RAI1: variants seen among roughly 807,000 people sequenced by gnomAD.
The protein encoded by RAI1 is retinoic acid induced 1.
A neutral mutation model predicts 123.8 loss-of-function variants in RAI1; 9 were observed. The ratio of observed to expected loss-of-function variants is 0.07; its 90% CI spans 0.04 to 0.13. The LOEUF (loss-of-function observed/expected upper bound fraction) is 0.13, where lower values mean the gene tolerates loss of function less well. Among genes scored for constraint, RAI1 ranks in the 10% least tolerant of loss-of-function variants. RAI1 has a pLI of 1.00. For synonymous variants in RAI1, 1,231 were observed against 1,127.3 expected (o/e 1.09, Z -1.84); for missense variants, 2,256 against 2,545.8 (o/e 0.89, Z 2.45).
intron 2 of RAI1, among the ~76,000 whole-genome samples, chr17:17,739,158 G>A (rs1185575473): frequency 6.6e-6 from 1 of 152,214 alleles, no homozygotes; most frequent in African/African-American, 2.4e-5. Context: ...CACTGGGGCA[G>A]CCACGTGCCC....
At chr17:17,806,480 C>T (rs1247840374) in intron 4 of RAI1, among the ~76,000 whole-genome samples, 3 of 152,188 alleles carry the variant, frequency 2.0e-5, no homozygotes, top group Non-Finnish European at 4.4e-5. Context: ...AGCCTGATGC[C>T]CAGCTTCCCC....
intron 2 of RAI1, among the ~76,000 whole-genome samples, chr17:17,764,355 A>T (rs1400733372): frequency 6.6e-6 from 1 of 152,194 alleles, no homozygotes; most frequent in African/African-American, 2.4e-5. Flanking sequence ...GAAAAAGAAC[A>T]TCACCAGCCC....
rs554802787 is a variant in RAI1, at chr17:17,685,936, C to T, written c.-149+4143C>T. Among the ~76,000 whole-genome samples the T allele has an allele frequency of 1.6e-4, 24 of 152,350 alleles. No individual in the cohort carries two copies. The highest frequency in any genetic ancestry group is 2.9e-4 in the Non-Finnish European group (20 of 68,036). ...GGATGCCCCTCACCTTCCTCCCTGC[C>T]GCCCCAGACCAAAACAGACGTCCTG... On this transcript the variant is annotated intron_variant, in intron 1 of 5. Transcript: ENST00000353383. This position sits in a 1 kb window ranked among gnomAD's most constrained non-coding sequence, Gnocchi z 4.0.
At chr17:17,723,400 T>C (rs1022495824) in intron 1 of RAI1, among the ~76,000 whole-genome samples, 3 of 140,560 alleles carry the variant, frequency 2.1e-5, no homozygotes, top group East Asian at 2.4e-4. Context: ...TACAGCCACA[T>C]TGATACACAC....
In RAI1 at chr17:17,796,672, C is replaced by T. The variant is rs771329558; in HGVS notation, c.3724C>T (p.Arg1242Trp). Residue 1242 changes from arginine to tryptophan, a missense_variant, in exon 3 of 6, where the codon CGG (arginine) becomes TGG (tryptophan). By Grantham distance (101) the Arg-to-Trp change is moderately radical. Coordinates refer to ENST00000353383, the MANE Select transcript of RAI1 (RefSeq NM_030665.4). This position sits in a 1 kb window ranked among gnomAD's most constrained non-coding sequence, Gnocchi z 5.8. ...VPTKKRNLVL[R>W]SRSSSSSNAS... ...CACCAAGAAGCGGAACCTGGTCTTG[C>T]GGAGCCGCAGCAGCAGCAGCAGCAA... 16 of 1,612,590 alleles carry T rather than the reference C, an allele frequency of 9.9e-6. No homozygotes were observed. Among genetic ancestry groups the T allele is most frequent in the African/African-American group, 5.3e-5 (4 of 74,992 alleles).
intron 2 of RAI1, among the ~76,000 whole-genome samples, chr17:17,743,390 T>A (rs1916706425): frequency 6.6e-6 from 1 of 152,194 alleles, no homozygotes; most frequent in South Asian, 2.1e-4. Flanking sequence ...TATGCTTGGT[T>A]CCACATCCTA....
At chr17:17,740,610 G>A (rs1167794924) in intron 2 of RAI1, among the ~76,000 whole-genome samples, 1 of 152,198 alleles carries the variant, frequency 6.6e-6, no homozygotes, top group African/African-American at 2.4e-5. Flanking sequence ...AGGCCACGTG[G>A]CCATCAGGTG....
At position 17,798,506 on chromosome 17, in the gene RAI1, T is replaced by C. The variant is rs2032350596; in HGVS notation, c.5558T>C (p.Val1853Ala). 2.5e-6 allele frequency: 4 copies of C among 1,600,520 alleles called. No individual in the cohort carries two copies. The highest frequency in any genetic ancestry group is 2.7e-5 in the African/African-American group (2 of 74,930). ...CTGCAGGAGGCCATGAAGGTGGCCG[T>C]GGACATGGTAAGAGGCCAGCCCAGC... ...FGLQEAMKVAVDMMCSSCQEA... is the reference protein window; with the variant it reads ...FGLQEAMKVAADMMCSSCQEA... Residue 1853 changes from valine (V) to alanine (A), a missense_variant, in exon 3 of 6, where the codon GTG (valine) becomes GCG (alanine). Transcript: ENST00000353383.
In RAI1 at chr17:17,800,438, C is replaced by G. The variant is rs1390590101; in HGVS notation, c.5565+1925C>G. 6.6e-6 allele frequency among the ~76,000 whole-genome samples: 1 copy of G among 152,190 alleles called. No homozygotes were observed. The highest frequency in any genetic ancestry group is 6.5e-5 in the Admixed American group (1 of 15,280). ...ACGTCCCACCAGGCTGAGATCAGGTCGTCTCCACATCCCCTGCAGCCAGCA... is the reference window on the plus strand; with the variant it reads ...ACGTCCCACCAGGCTGAGATCAGGTGGTCTCCACATCCCCTGCAGCCAGCA... On this transcript the variant is annotated intron_variant, in intron 3 of 5. Transcript: ENST00000353383. This position sits in a 1 kb window ranked among gnomAD's most constrained non-coding sequence, Gnocchi z 4.7.
chr17:17,729,609 G>A (rs1261511154), intron 2 of RAI1, among the ~76,000 whole-genome samples: 1 of 152,230 alleles, frequency 6.6e-6, no homozygotes, highest in Non-Finnish European at 1.5e-5. Context: ...TTTTTCCGGA[G>A]AGGACTGACA....
chr17:17,701,944 G>A (rs1015224721), intron 1 of RAI1, among the ~76,000 whole-genome samples: 1 of 152,220 alleles, frequency 6.6e-6, no homozygotes, highest in East Asian at 1.9e-4. Flanking sequence ...GACTCCAGTC[G>A]GGGAGGCAGC....
At chr17:17,791,732 A>T (rs920114026) in intron 2 of RAI1, among the ~76,000 whole-genome samples, 1 of 152,112 alleles carries the variant, frequency 6.6e-6, no homozygotes, top group East Asian at 1.9e-4. Flanking sequence ...AACCTGGGGC[A>T]TTCCTCTTTC....
At chr17:17,805,460 C>A (rs2032577597) in intron 4 of RAI1, among the ~76,000 whole-genome samples, 1 of 152,192 alleles carries the variant, frequency 6.6e-6, no homozygotes, top group African/African-American at 2.4e-5. Context: ...TCATAACCCA[C>A]CTCCCAGTGG....
chr17:17,757,431 C>T (rs150804714), intron 2 of RAI1, among the ~76,000 whole-genome samples: 2,801 of 152,278 alleles, frequency 0.018, 82 homozygotes, highest in African/African-American at 0.063. Flanking sequence ...ATTCCAGTAA[C>T]CCCAGCCTGC....
chr17:17,736,413 G>A (rs1028352150), intron 2 of RAI1, among the ~76,000 whole-genome samples: 4 of 152,206 alleles, frequency 2.6e-5, no homozygotes, highest in Non-Finnish European at 5.9e-5. Context: ...ATAAGAGCAG[G>A]CCCAGCAGAT....
At chr17:17,785,103 C>A (rs376032681) in intron 2 of RAI1, among the ~76,000 whole-genome samples, 6 of 152,182 alleles carry the variant, frequency 3.9e-5, no homozygotes, top group African/African-American at 1.2e-4. Flanking sequence ...TGTGCTGTTT[C>A]CTGTGTGTCT....
chr17:17,767,978 A>G (rs986494631), intron 2 of RAI1, among the ~76,000 whole-genome samples: 1 of 152,174 alleles, frequency 6.6e-6, no homozygotes, highest in East Asian at 1.9e-4. Context: ...CTGAACCCCT[A>G]TCTCTTAAGC....
At chr17:17,729,872 C>T (rs115844129) in intron 2 of RAI1, among the ~76,000 whole-genome samples, 2,022 of 152,230 alleles carry the variant, frequency 0.013, 43 homozygotes, top group African/African-American at 0.044. Context: ...GCTCACTGGA[C>T]CCACCTGAGG....
chr17:17,772,981 T>C (rs1196678454), intron 2 of RAI1, among the ~76,000 whole-genome samples: 9 of 149,806 alleles, frequency 6.0e-5, no homozygotes, highest in Middle Eastern at 3.4e-3. Flanking sequence ...GGTGGGTGAT[T>C]GTGAGGTATA....
Sources: gnomAD v4.1 joint callset for allele counts (sites outside exome capture counted in the v4.1 genomes callset) on GRCh38, gnomAD v4.1.1 for gene constraint, Gnocchi (gnomAD v3.1) non-coding constraint, MANE v1.5 for transcripts, NCBI Gene and HGNC (gene_info 2026-07-23, HGNC 2026-07-21) for gene names.